Variants in ECM2 observed in about 807,000 individuals in gnomAD.
The protein encoded by ECM2 is extracellular matrix protein 2, female organ and adipocyte specific.
In ECM2, 57 loss-of-function variants were observed where a neutral mutation model predicts 67.5. That is an observed-to-expected ratio of 0.84 (90% CI 0.68 to 1.05). ECM2 has a LOEUF of 1.05. Among genes scored for constraint, ECM2 ranks in the 50% least tolerant of loss-of-function variants. The pLI is 0.00. For missense variants in ECM2, 741 were observed against 822.8 expected (o/e 0.90, Z 1.22); for synonymous variants, 258 against 294.5 (o/e 0.88, Z 1.27).
At chr9:92,511,301 A>G (rs1234563280) in intron 5 of ECM2, among the ~76,000 whole-genome samples, 1 of 151,626 alleles carries the variant, frequency 6.6e-6, no homozygotes, top group African/African-American at 2.4e-5. Flanking sequence ...AATTTTTTGT[A>G]TTTTTAGTAG....
At chr9:92,493,975 C>T, downstream of ECM2, 1 of 1,061,422 alleles carries the variant, frequency 9.4e-7, no homozygotes, top group South Asian at 1.5e-5. Context: ...TGGCCGTAGT[C>T]TCCTGGCGGC....
intron 6 of ECM2, among the ~76,000 whole-genome samples, chr9:92,508,786 G>GT (rs544116388): frequency 1.4e-3 from 220 of 152,114 alleles, no homozygotes; most frequent in African/African-American, 4.8e-3. Context: ...TTCCTGTGAA[G>GT]TTTTTTGGGA....
At chr9:92,541,181 C>G (rs1849310338), upstream of ECM2, among the ~76,000 whole-genome samples, 1 of 152,008 alleles carries the variant, frequency 6.6e-6, no homozygotes, top group Admixed American at 6.6e-5. Context: ...ATCACTTGAA[C>G]CCAGGAGGCG....
chr9:92,550,091 C>T, the ECM2 span, among the ~76,000 whole-genome samples: 1 of 152,236 alleles, frequency 6.6e-6, no homozygotes, highest in Non-Finnish European at 1.5e-5. Context: ...TGGAAACAAA[C>T]TCATTTGAAC....
chr9:92,500,333 C>T (rs1437148832), intron 9 of ECM2, among the ~76,000 whole-genome samples: 1 of 148,204 alleles, frequency 6.7e-6, no homozygotes, highest in Non-Finnish European at 1.5e-5. Flanking sequence ...CAGACACGCA[C>T]CACCACGCCC....
At chr9:92,543,334 A>G in the ECM2 span, among the ~76,000 whole-genome samples, 4 of 151,962 alleles carry the variant, frequency 2.6e-5, no homozygotes, top group Non-Finnish European at 2.9e-5. Flanking sequence ...TTGGCTGGGC[A>G]TGGTGGTACG....
chr9:92,537,867 T>A (rs1245563827), upstream of ECM2, among the ~76,000 whole-genome samples: 2 of 151,992 alleles, frequency 1.3e-5, no homozygotes, highest in African/African-American at 4.8e-5. Flanking sequence ...ACTTTGGGGG[T>A]AGAAAAATTA....
the ECM2 span, among the ~76,000 whole-genome samples, chr9:92,556,453 G>A: frequency 6.6e-6 from 1 of 152,032 alleles, no homozygotes; most frequent in East Asian, 1.9e-4. Flanking sequence ...CACTATTATT[G>A]TGTTGCTGTC....
intron 9 of ECM2, among the ~76,000 whole-genome samples, chr9:92,499,704 C>T (rs746782963): frequency 2.0e-5 from 3 of 152,210 alleles, no homozygotes; most frequent in Non-Finnish European, 4.4e-5. Flanking sequence ...ATCTCTTCCT[C>T]CAGTACCTTT....
chr9:92,549,783 T>C, the ECM2 span, among the ~76,000 whole-genome samples: 1 of 152,214 alleles, frequency 6.6e-6, no homozygotes. Flanking sequence ...CCTAAGATAG[T>C]GCTGTTAGGC....
intron 7 of ECM2, 135 bp downstream of exon 7, chr9:92,505,398 A>T: frequency 1.3e-6 from 1 of 779,422 alleles, no homozygotes; most frequent in Non-Finnish European, 1.9e-6. Context: ...AACAATGCTT[A>T]AATTACAGGA....
chr9:92,524,996 G>A (rs563658395), intron 1 of ECM2, among the ~76,000 whole-genome samples: 1 of 152,302 alleles, frequency 6.6e-6, no homozygotes, highest in South Asian at 2.1e-4. Context: ...TGCTAACCCA[G>A]TCATCTTGTT....
rs1186510611 is a variant in ECM2, at chr9:92,532,030, TTTTA to T, written c.-28+3899_-28+3902del. Among the ~76,000 whole-genome samples the T allele has an allele frequency of 3.5e-4, 44 of 125,760 alleles. 10 individuals carry two copies. Among genetic ancestry groups the T allele is most frequent in the African/African-American group, 1.2e-3 (34 of 28,104 alleles). 82.5% of individuals were successfully genotyped at this position (125,760 alleles called of 152,430 possible). On this transcript the variant is annotated intron_variant, in intron 1 of 9. Transcript: ENST00000344604. ...TTTATTTAATGTTTTTTTTTTTTTA[TTTTA>T]TTTTTTTTTTGAGATGAGGTCTCAC...
At chr9:92,497,874 TAAAAAA>T (rs71362393) in intron 9 of ECM2, among the ~76,000 whole-genome samples, 1 of 134,882 alleles carries the variant, frequency 7.4e-6, no homozygotes, top group African/African-American at 2.7e-5. Flanking sequence ...GCTGGTTGTT[TAAAAAA>T]AAAAAAAAAA....
intron 1 of ECM2, among the ~76,000 whole-genome samples, chr9:92,527,655 A>G (rs1294788677): frequency 6.6e-6 from 1 of 152,170 alleles, no homozygotes; most frequent in Non-Finnish European, 1.5e-5. Flanking sequence ...GCTCAGGGTA[A>G]TGAATGCCTT....
chr9:92,536,149 G>A, upstream of ECM2: 2 of 381,868 alleles, frequency 5.2e-6, no homozygotes, highest in African/African-American at 2.2e-5. Flanking sequence ...AAAGTAACCA[G>A]GGAAAATGGT....
Position 92,514,790 on chromosome 9 carries a change from G to A in ECM2, c.895C>T (p.Arg299Ter), listed in dbSNP as rs138357265. The change falls in exon 4 of 10, where the codon CGA (arginine) becomes TGA (stop). Residue 299 changes from arginine to a stop codon, truncating the protein, a stop_gained. Coordinates refer to ENST00000344604, the MANE Select transcript of ECM2 (RefSeq NM_001393.4). LOFTEE classifies it high-confidence loss of function. ...GGAAGCGGGGATCGAGAGGGCATTC[G>A]GAACATATCTCCTCTTACCGGGTCC... ...EEDPVRGDMF[R>*]MPSRSPLPAP... is the part of the protein sequence containing the mutation. 39 of 1,613,748 alleles carry A rather than the reference G, an allele frequency of 2.4e-5. No individual in the cohort carries two copies. The highest frequency in any genetic ancestry group is 2.2e-4 in the East Asian group (10 of 44,866).
the ECM2 span, among the ~76,000 whole-genome samples, chr9:92,547,205 T>C: frequency 6.6e-6 from 1 of 152,082 alleles, no homozygotes; most frequent in Admixed American, 6.6e-5. Context: ...TTAAAAAGAA[T>C]AAAGAAAGCA....
rs534882166 is a variant in ECM2, at chr9:92,516,434, A to G, written c.482-1231T>C. 9.9e-5 allele frequency among the ~76,000 whole-genome samples: 15 copies of G among 151,380 alleles called. No individual in the cohort carries two copies. The South Asian group carries it at 1.4e-3, about 15-fold the overall frequency. On this transcript the variant is annotated intron_variant, in intron 3 of 9. Transcript: ENST00000344604. The stretch of plus-strand genomic sequence containing the variant: ...CATCTGCCTACTTTTATTTAACACT[A>G]TATATAAACTACTCCCAAAAAGAAC...
Sources: allele counts gnomAD v4.1 joint callset (sites outside exome capture counted in the v4.1 genomes callset), GRCh38; gene constraint gnomAD v4.1.1; transcripts MANE v1.5; gene names NCBI Gene and HGNC (gene_info 2026-07-23, HGNC 2026-07-21).